Variants in FBXO41 observed in about 807,000 individuals in gnomAD.
FBXO41 encodes the protein F-box only protein 41.
A neutral mutation model predicts 81.6 loss-of-function variants in FBXO41; 33 were observed. The observed-to-expected ratio is 0.40, with a 90% CI of 0.31 to 0.54. The LOEUF is 0.54. Ranked by LOEUF, FBXO41 falls within the 20% of genes least tolerant of loss-of-function variation. The pLI is 0.39. For missense variants in FBXO41, 1,107 were observed against 1,236.0 expected, an observed-to-expected ratio of 0.90 and a Z score of 1.56; for synonymous variants, 576 against 552.7, an observed-to-expected ratio of 1.04 and a Z score of -0.59.
Position 73,269,454 on chromosome 2 carries a change from G to A in FBXO41, c.177C>T (p.Ala59=), listed in dbSNP as rs1187323633. The A allele has an allele frequency of 2.7e-5, 34 of 1,261,078 alleles. No homozygotes were observed. In the East Asian group the frequency reaches 3.1e-4, roughly 12 times the overall value. The allele number at this position is 1,261,078 out of a possible 1,614,324, so 78.1% of individuals were successfully genotyped here. The part of the protein sequence containing the change: ...DGAAAAAAAA[A]AASGFPLAPE... ...GAGCCAGCGGGAACCCCGAGGCAGC[G>A]GCGGCGGCGGCCGCGGCGGCGGCGG... Residue 59 remains alanine, a synonymous_variant, in exon 2 of 13, where the codon GCC becomes GCT. Coordinates refer to ENST00000520530, the MANE Select transcript of FBXO41 (RefSeq NM_001371389.2). The surrounding 1 kb of genome is among the most constrained non-coding windows in gnomAD (Gnocchi z 7.0).
At chr2:73,274,731 T>TG (rs200156922) in intron 1 of FBXO41, among the ~76,000 whole-genome samples, 1,671 of 152,158 alleles carry the variant, frequency 0.011, 29 homozygotes, top group African/African-American at 0.038. Flanking sequence ...TTGGATTTTT[T>TG]TTTGTTTGTT....
chr2:73,264,280 T>G lies in FBXO41; in HGVS notation c.1804A>C (p.Lys602Gln). Residue 602 changes from lysine (K) to glutamine (Q), a missense_variant and splice_region_variant, in exon 6 of 13, where the codon AAG (lysine) becomes CAG (glutamine). Lys to Gln is a moderately conservative substitution (Grantham distance 53). This residue lies in a region of FBXO41 where 336 missense variants were observed against 446.7 expected (regional missense o/e 0.75). Transcript: ENST00000520530. ...AGAAGGCAGGCAGGGGCAGGTACCT[T>G]GGAGCAGACACGGGCATTCTCAAGC... Reference protein sequence around the residue: ...VLLENARVCSKFLAMLAQWCT... With the variant: ...VLLENARVCSQFLAMLAQWCT... 1 of 1,613,144 alleles carries G rather than the reference T, an allele frequency of 6.2e-7. No homozygotes were observed. Among genetic ancestry groups the G allele is most frequent in the Non-Finnish European group, 8.5e-7 (1 of 1,179,796 alleles).
At chr2:73,264,137 C>T (rs996797537) in intron 6 of FBXO41, 84 bp from the exon 7 acceptor site, 2 of 1,551,080 alleles carry the variant, frequency 1.3e-6, no homozygotes, top group Non-Finnish European at 1.7e-6. Flanking sequence ...GATAGAAGGC[C>T]CCATGAGAGC....
At position 73,260,358 on chromosome 2, in the gene FBXO41, G is replaced by A. The variant is rs371391548; in HGVS notation, c.2449+31C>T. 73 of 1,603,580 alleles carry A rather than the reference G, an allele frequency of 4.6e-5. No homozygotes were observed. Among genetic ancestry groups the A allele is most frequent in the African/African-American group, 3.6e-4 (27 of 74,672 alleles). On this transcript the variant is annotated intron_variant, in intron 11 of 12. Coordinates refer to ENST00000520530, the MANE Select transcript of FBXO41 (RefSeq NM_001371389.2). This position sits in a 1 kb window ranked among gnomAD's most constrained non-coding sequence, Gnocchi z 5.0. Reference sequence around the variant, plus strand: ...CAGGGCCCCGTGGCAGGTGATAGTCGTACCCTGCCCCTCATTCCCCCAGTG... The same window carrying A: ...CAGGGCCCCGTGGCAGGTGATAGTCATACCCTGCCCCTCATTCCCCCAGTG...
At chr2:73,267,504 A>T (rs1220949614) in intron 2 of FBXO41, among the ~76,000 whole-genome samples, 1 of 152,218 alleles carries the variant, frequency 6.6e-6, no homozygotes, top group African/African-American at 2.4e-5. Context: ...GCATCCATTC[A>T]ACATTTATTG....
In FBXO41 at chr2:73,265,332, G is replaced by A. The variant is rs1430507971; in HGVS notation, c.1514C>T (p.Pro505Leu). 2 of 1,611,446 alleles carry A rather than the reference G, an allele frequency of 1.2e-6. No individual in the cohort carries two copies. The highest frequency in any genetic ancestry group is 1.3e-5 in the African/African-American group (1 of 74,910). Residue 505 changes from proline (P) to leucine (L), a missense_variant, in exon 5 of 13, where the codon CCC (proline) becomes CTC (leucine). Physicochemically the swap from Pro to Leu is moderately conservative, Grantham distance 98. This residue lies in a region of FBXO41 where 771 missense variants were observed against 789.2 expected (regional missense o/e 0.98). Coordinates refer to ENST00000520530, the MANE Select transcript of FBXO41 (RefSeq NM_001371389.2). ...CCCAGCCATAGCAGGCCCGGGGCGGGGCGCATCCAACGGGCCCTCAGCCTC... is the reference window on the plus strand; with the variant it reads ...CCCAGCCATAGCAGGCCCGGGGCGGAGCGCATCCAACGGGCCCTCAGCCTC... ...ESEAEGPLDAPRPGPAMAGPL... is the reference protein window; with the variant it reads ...ESEAEGPLDALRPGPAMAGPL...
At position 73,259,872 on chromosome 2, in the gene FBXO41, C is replaced by T. The variant is rs1403287441; in HGVS notation, c.2449+517G>A. ...TGGAAAGAGGGTCAAGGCACCTTGG[C>T]GCAGTTGGCATGGGGTCCTCTCAGG... On this transcript the variant is annotated intron_variant, in intron 11 of 12. Transcript: ENST00000520530. This position sits in a 1 kb window ranked among gnomAD's most constrained non-coding sequence, Gnocchi z 4.2. Among the ~76,000 whole-genome samples the T allele has an allele frequency of 6.6e-6, 1 of 152,036 alleles. No homozygotes were observed. Among genetic ancestry groups the T allele is most frequent in the East Asian group, 1.9e-4 (1 of 5,184 alleles).
At position 73,269,462 on chromosome 2, in the gene FBXO41, CGGCCGCGGCGGCGGCGG is replaced by C; in HGVS notation, c.152_168del (p.Ala51GlyfsTer70). On this transcript the variant is annotated frameshift_variant, in exon 2 of 13. Transcript: ENST00000520530. LOFTEE classifies it high-confidence loss of function. This position sits in a 1 kb window ranked among gnomAD's most constrained non-coding sequence, Gnocchi z 7.0. ...GGGAACCCCGAGGCAGCGGCGGCGGCGGCCGCGGCGGCGGCGGCGCCGTCGCAGATGCTGTTGGTCTT... is the reference window on the plus strand; with the variant it reads ...GGGAACCCCGAGGCAGCGGCGGCGGCCGCCGTCGCAGATGCTGTTGGTCTT... The C allele has an allele frequency of 8.0e-7, 1 of 1,257,010 alleles. No individual in the cohort carries two copies. Among genetic ancestry groups the C allele is most frequent in the African/African-American group, 1.6e-5 (1 of 62,704 alleles). The allele number at this position is 1,257,010 out of a possible 1,614,324, so 77.9% of individuals were successfully genotyped here.
Position 73,264,407 on chromosome 2 carries a change from G to A in FBXO41, c.1677C>T (p.Cys559=). Residue 559 remains cysteine, a synonymous_variant, in exon 6 of 13, where the codon TGC becomes TGT. Transcript: ENST00000520530. The part of the protein sequence containing the change: ...EILKMRAALF[C]IFTYLDTRTL... ...TGCGCGTGTCCAGGTAGGTGAAGAT[G>A]CAGAAGAGGGCAGCTCGCATCTTCA... 1.2e-6 allele frequency: 2 copies of A among 1,613,932 alleles called. No individual in the cohort carries two copies. Among genetic ancestry groups the A allele is most frequent in the Non-Finnish European group, 1.7e-6 (2 of 1,179,896 alleles).
chr2:73,269,559 C>A lies in FBXO41; in HGVS notation c.72G>T (p.Ser24=). The change falls in exon 2 of 13, where the codon TCG becomes TCT. Residue 24 remains serine (S), a synonymous_variant. Coordinates refer to ENST00000520530, the MANE Select transcript of FBXO41 (RefSeq NM_001371389.2). This position sits in a 1 kb window ranked among gnomAD's most constrained non-coding sequence, Gnocchi z 7.0. ...GEHKRFRSLS[S]LRAHLEYSHT... Reference sequence around the variant, plus strand: ...GGCTGTACTCCAGGTGCGCGCGCAGCGACGACAGGCTCCGGAAGCGCTTGT... The same window carrying A: ...GGCTGTACTCCAGGTGCGCGCGCAGAGACGACAGGCTCCGGAAGCGCTTGT... 1.5e-6 allele frequency: 2 copies of A among 1,357,722 alleles called. No homozygotes were observed. Among genetic ancestry groups the A allele is most frequent in the South Asian group, 1.5e-5 (1 of 67,700 alleles). 84.1% of individuals were successfully genotyped at this position (1,357,722 alleles called of 1,614,324 possible).
chr2:73,283,832 T>TC (rs1040258715), intron 1 of FBXO41, among the ~76,000 whole-genome samples: 2 of 150,502 alleles, frequency 1.3e-5, no homozygotes, highest in Non-Finnish European at 3.0e-5. Flanking sequence ...GCGCTTCCCC[T>TC]CCCCCCTCCC....
Position 73,257,282 on chromosome 2 carries a change from A to T in FBXO41, c.*1700T>A, listed in dbSNP as rs1039373602. The T allele has an allele frequency of 3.3e-5, 5 of 152,690 alleles. No individual in the cohort carries two copies. Among genetic ancestry groups the T allele is most frequent in the African/African-American group, 1.2e-4 (5 of 41,470 alleles). 9.5% of individuals were successfully genotyped at this position (152,690 alleles called of 1,614,324 possible). On this transcript the variant is annotated 3_prime_UTR_variant, in exon 13 of 13. Transcript: ENST00000520530. The surrounding 1 kb of genome is among the most constrained non-coding windows in gnomAD (Gnocchi z 4.6). ...ACACCCTTGGTATTTTAGGTTTTCA[A>T]AGGGCAGGGACAGAATGAGCCACAG...
chr2:73,265,371 C>G lies in FBXO41; in HGVS notation c.1475G>C (p.Arg492Pro), dbSNP rs750822634. Reference protein sequence around the residue: ...EEGDVSDVGSRTTESEAEGPL... With the variant: ...EEGDVSDVGSPTTESEAEGPL... ...GCCCTCAGCCTCTGACTCAGTGGTT[C>G]GGGAGCCAACGTCGGAGACATCACC... The change falls in exon 5 of 13, where the codon CGA becomes CCA. Residue 492 changes from arginine to proline, a missense_variant. Physicochemically the swap from Arg to Pro is moderately radical, Grantham distance 103 (BLOSUM62 -2). This residue lies in a region of FBXO41 where 771 missense variants were observed against 789.2 expected (regional missense o/e 0.98). Coordinates refer to ENST00000520530, the MANE Select transcript of FBXO41 (RefSeq NM_001371389.2). The G allele has an allele frequency of 6.2e-7, 1 of 1,611,792 alleles. No homozygotes were observed. Among genetic ancestry groups the G allele is most frequent in the South Asian group, 1.1e-5 (1 of 91,072 alleles).
chr2:73,281,714 T>A (rs534735439), intron 1 of FBXO41, among the ~76,000 whole-genome samples: 1 of 152,240 alleles, frequency 6.6e-6, no homozygotes, highest in South Asian at 2.1e-4. Context: ...TGTGTGAGAG[T>A]CTACGTGAGA....
rs1172860345 is a variant in FBXO41, at chr2:73,258,978, CG to C, written c.*3del. The C allele has an allele frequency of 1.3e-6, 2 of 1,572,502 alleles. No individual in the cohort carries two copies. Among genetic ancestry groups the C allele is most frequent in the East Asian group, 4.8e-5 (2 of 42,034 alleles). On this transcript the variant is annotated 3_prime_UTR_variant, in exon 13 of 13. Transcript: ENST00000520530. ...GGCAGGGGCCCTGCCGCCCCCTACC[CG>C]GGTTAGCAGCCGCCTTCCACCTTGA...
At chr2:73,271,633 C>A (rs572020896) in intron 1 of FBXO41, 5 of 147,980 alleles carry the variant, frequency 3.4e-5, no homozygotes, top group African/African-American at 5.1e-5. Flanking sequence ...TCCCCCCCCC[C>A]CAACTTCTTT....
At position 73,276,658 on chromosome 2, in the gene FBXO41, A is replaced by G. The variant is rs980831880; in HGVS notation, c.-138-6890T>C. Among the ~76,000 whole-genome samples, 5 of 151,646 alleles carry G rather than the reference A, an allele frequency of 3.3e-5. 1 individual carries two copies. The highest frequency in any genetic ancestry group is 9.7e-5 in the African/African-American group (4 of 41,082). On this transcript the variant is annotated intron_variant, in intron 1 of 12. Transcript: ENST00000520530. The stretch of plus-strand genomic sequence containing the variant: ...TTTATATATAACACATGGGGGAAAA[A>G]AAAAGATAACTGCTGGCACAGAGAA...
chr2:73,265,159 C>T (rs1424700523), intron 5 of FBXO41, 123 bp downstream of exon 5: 1 of 924,696 alleles, frequency 1.1e-6, no homozygotes, highest in Non-Finnish European at 1.6e-6. Flanking sequence ...GTTCCTGCCC[C>T]AGGCTTGAAG....
At chr2:73,277,170 G>A (rs1688721656) in intron 1 of FBXO41, among the ~76,000 whole-genome samples, 1 of 152,234 alleles carries the variant, frequency 6.6e-6, no homozygotes, top group Admixed American at 6.5e-5. Context: ...TGGAGGAGGA[G>A]AGGGACTTCT....
Sources: allele counts gnomAD v4.1 joint callset (sites outside exome capture counted in the v4.1 genomes callset), GRCh38; gene constraint gnomAD v4.1.1; regional missense constraint gnomAD v4.1.1; non-coding constraint Gnocchi (gnomAD v3.1); transcripts MANE v1.5; gene names NCBI Gene and HGNC (gene_info 2026-07-23, HGNC 2026-07-21).